The following DNM3 variants were observed in gnomAD, a reference collection of about 807,000 sequenced individuals.
DNM3 encodes the protein dynamin-3.
Under a neutral mutation model 101.6 loss-of-function variants are expected in DNM3, and 47 were observed. That is an observed-to-expected ratio of 0.46 (90% confidence interval 0.37 to 0.59). DNM3 has a LOEUF of 0.59. Ranked by LOEUF, DNM3 falls within the 20% of genes least tolerant of loss-of-function variation. DNM3 has a pLI of 0.00. For synonymous variants in DNM3, 385 were observed against 387.9 expected (o/e 0.99, Z 0.09); for missense variants, 849 against 1,085.7 (o/e 0.78, Z 3.06).
intron 14 of DNM3, among the ~76,000 whole-genome samples, chr1:172,160,568 G>A (rs1350785366): frequency 4.0e-5 from 6 of 151,684 alleles, no homozygotes; most frequent in African/African-American, 9.7e-5. Flanking sequence ...GAAGGTCTTC[G>A]GTGGCAGTAA....
intron 20 of DNM3, among the ~76,000 whole-genome samples, chr1:172,404,609 T>G (rs1218428401): frequency 4.6e-5 from 7 of 152,110 alleles, no homozygotes; most frequent in African/African-American, 1.7e-4. Flanking sequence ...ACCATTGAAT[T>G]TTTCCCTTCA....
intron 1 of DNM3, among the ~76,000 whole-genome samples, chr1:171,855,769 T>G (rs1339130330): frequency 3.9e-5 from 6 of 152,230 alleles, no homozygotes; most frequent in Non-Finnish European, 8.8e-5. Context: ...ATGCTGGATA[T>G]TAGACCTTTG....
intron 15 of DNM3, among the ~76,000 whole-genome samples, chr1:172,282,226 A>G (rs2063517984): frequency 6.6e-6 from 1 of 152,106 alleles, no homozygotes; most frequent in Admixed American, 6.6e-5. Flanking sequence ...TCCTTCTTTG[A>G]TCTTCCTTTC....
At chr1:172,244,327 C>A (rs1031349433) in intron 14 of DNM3, among the ~76,000 whole-genome samples, 2 of 152,046 alleles carry the variant, frequency 1.3e-5, no homozygotes, top group Non-Finnish European at 2.9e-5. Flanking sequence ...AATAAACATA[C>A]GTGTGCATGT....
Position 172,315,572 on chromosome 1 carries a change from C to T in DNM3, c.1881+6733C>T, listed in dbSNP as rs181551884. Among the ~76,000 whole-genome samples, 42 of 152,166 alleles carry T rather than the reference C, an allele frequency of 2.8e-4. 2 individuals carry two copies. In the East Asian group the frequency reaches 6.9e-3, roughly 25 times the overall value. On this transcript the variant is annotated intron_variant, in intron 16 of 20. Transcript: ENST00000627582. ...GCTGATGGAGCTGAAAGCCAACGCT[C>T]GAGAACTACGTGAAGAATGCAGAAG...
intron 4 of DNM3, among the ~76,000 whole-genome samples, chr1:172,018,461 C>A (rs193234693): frequency 6.6e-6 from 1 of 152,180 alleles, no homozygotes; most frequent in South Asian, 2.1e-4. Flanking sequence ...ATACACTCCC[C>A]GACTTATGAT....
intron 13 of DNM3, chr1:172,093,709 C>T (rs770136737): frequency 1.7e-5 from 27 of 1,606,040 alleles, no homozygotes; most frequent in African/African-American, 1.1e-4. Context: ...ACCAATCTTC[C>T]GCCTTCAAGG....
chr1:172,082,750 G>A (rs2147748102), intron 12 of DNM3, among the ~76,000 whole-genome samples: 1 of 152,302 alleles, frequency 6.6e-6, no homozygotes, highest in East Asian at 1.9e-4. Context: ...TGACTTAGAA[G>A]AAATGGATAT....
At chr1:172,385,198 A>G (rs1337835636) in intron 18 of DNM3, among the ~76,000 whole-genome samples, 1 of 152,186 alleles carries the variant, frequency 6.6e-6, no homozygotes, top group African/African-American at 2.4e-5. Flanking sequence ...TAAATGAAAC[A>G]TTTACCATCT....
intron 1 of DNM3, among the ~76,000 whole-genome samples, chr1:171,918,931 G>T (rs899825619): frequency 6.6e-5 from 10 of 152,094 alleles, no homozygotes; most frequent in African/African-American, 2.4e-4. Context: ...ACAGGTCTCA[G>T]CATGAAGATA....
chr1:172,122,270 A>G (rs2056369681), intron 13 of DNM3, among the ~76,000 whole-genome samples: 1 of 152,202 alleles, frequency 6.6e-6, no homozygotes, highest in South Asian at 2.1e-4. Flanking sequence ...TCCTTACAAT[A>G]ACAAATATAA....
chr1:172,182,617 C>G (rs977926953), intron 14 of DNM3, among the ~76,000 whole-genome samples: 1 of 152,102 alleles, frequency 6.6e-6, no homozygotes, highest in Non-Finnish European at 1.5e-5. Context: ...CTCAGAGGTA[C>G]TCACTAAAGT....
At chr1:171,954,232 G>A (rs904241440) in intron 2 of DNM3, among the ~76,000 whole-genome samples, 2 of 152,058 alleles carry the variant, frequency 1.3e-5, no homozygotes, top group African/African-American at 4.8e-5. Flanking sequence ...ACAGTACTTT[G>A]CATGTATTAT....
chr1:171,925,904 A>G lies in DNM3; in HGVS notation c.235+4083A>G, dbSNP rs546482660. Among the ~76,000 whole-genome samples, 6 of 152,314 alleles carry G rather than the reference A, an allele frequency of 3.9e-5. No homozygotes were observed. The South Asian group carries it at 1.0e-3, about 26-fold the overall frequency. Reference sequence around the variant, plus strand: ...TGTATATGGTGAGAGATAGGGGTCCAGTTATATTCTTCTGCATATGGTTAG... The same window carrying G: ...TGTATATGGTGAGAGATAGGGGTCCGGTTATATTCTTCTGCATATGGTTAG... On this transcript the variant is annotated intron_variant, in intron 2 of 20. Coordinates refer to ENST00000627582, the MANE Select transcript of DNM3 (RefSeq NM_015569.5).
intron 1 of DNM3, among the ~76,000 whole-genome samples, chr1:171,903,056 G>C (rs1033583110): frequency 3.3e-5 from 5 of 152,058 alleles, no homozygotes; most frequent in African/African-American, 1.2e-4. Flanking sequence ...TTGGGAGGAT[G>C]GGGTGGGAGG....
chr1:172,215,943 A>T (rs555549418), intron 14 of DNM3, among the ~76,000 whole-genome samples: 1 of 148,098 alleles, frequency 6.8e-6, no homozygotes, highest in African/African-American at 2.5e-5. Flanking sequence ...TTTATAATTT[A>T]TTCTTAACAC....
chr1:172,189,507 T>C (rs1468872138), intron 14 of DNM3, among the ~76,000 whole-genome samples: 1 of 152,072 alleles, frequency 6.6e-6, no homozygotes, highest in Non-Finnish European at 1.5e-5. Flanking sequence ...CCACCATTTA[T>C]TGAGGTCTTC....
intron 1 of DNM3, among the ~76,000 whole-genome samples, chr1:171,905,274 C>T (rs971767499): frequency 6.6e-6 from 1 of 152,174 alleles, no homozygotes; most frequent in Non-Finnish European, 1.5e-5. Flanking sequence ...ATCTGACAAC[C>T]TAGAAAATGC....
chr1:171,921,829 A>G lies in DNM3; in HGVS notation c.235+8A>G, dbSNP rs772456350. 6.3e-7 allele frequency: 1 copy of G among 1,593,680 alleles called. No homozygotes were observed. Among genetic ancestry groups the G allele is most frequent in the Admixed American group, 1.7e-5 (1 of 57,200 alleles). The stretch of plus-strand genomic sequence containing the variant: ...TTGTTACTTCTAAAGCAGGTAATGA[A>G]TGAAGATGTTTACCGCATGGATGGG... On this transcript the variant is annotated splice_region_variant and intron_variant, in intron 2 of 20. Transcript: ENST00000627582.
Sources: allele counts gnomAD v4.1 joint callset (sites outside exome capture counted in the v4.1 genomes callset), GRCh38; gene constraint gnomAD v4.1.1; transcripts MANE v1.5; gene names NCBI Gene and HGNC (gene_info 2026-07-23, HGNC 2026-07-21).